Variants in SLC11A2 observed in about 807,000 individuals in gnomAD.
SLC11A2 encodes the protein natural resistance-associated macrophage protein 2.
In SLC11A2, 38 loss-of-function variants were observed where a neutral mutation model predicts 68.0. That is an observed-to-expected ratio of 0.56 (90% CI 0.43 to 0.73). SLC11A2 has a LOEUF of 0.73. Among genes scored for constraint, SLC11A2 ranks in the 30% least tolerant of loss-of-function variants. The probability of loss-of-function intolerance (pLI) is 0.00; values close to 1 mark genes in which losing one functional copy is unlikely to be tolerated. For missense variants in SLC11A2, 517 were observed against 690.5 expected (o/e 0.75, Z 2.82); for synonymous variants, 242 against 250.6 (o/e 0.97, Z 0.32).
intron 2 of SLC11A2, chr12:51,009,164 A>G (rs1216448493): frequency 6.7e-7 from 1 of 1,497,654 alleles, no homozygotes; most frequent in African/African-American, 1.4e-5. Flanking sequence ...CTTCTCAAAA[A>G]ATGTGCAAGT....
In SLC11A2 at chr12:51,002,078, T is replaced by C. The variant is rs146935841; in HGVS notation, c.430-1659A>G. On this transcript the variant is annotated intron_variant, in intron 5 of 15. Coordinates refer to ENST00000262052, the MANE Select transcript of SLC11A2 (RefSeq NM_000617.3). ...AAAAAATTTGTCAGGTCACCCATGG[T>C]AGTTCACACCTATAATCCCTGAACT... 4.8e-3 allele frequency among the ~76,000 whole-genome samples: 734 copies of C among 152,302 alleles called. 7 individuals carry two copies. Among genetic ancestry groups the C allele is most frequent in the African/African-American group, 0.016 (663 of 41,558 alleles).
At chr12:50,969,865 C>T in the SLC11A2 span, among the ~76,000 whole-genome samples, 2 of 152,078 alleles carry the variant, frequency 1.3e-5, no homozygotes, top group African/African-American at 4.8e-5. Flanking sequence ...CTGTGACTCC[C>T]TAACTTGCTT....
At position 50,987,832 on chromosome 12, in the gene SLC11A2, T is replaced by C; in HGVS notation, c.*493A>G. 4 of 1,261,146 alleles carry C rather than the reference T, an allele frequency of 3.2e-6. No individual in the cohort carries two copies. The highest frequency in any genetic ancestry group is 1.0e-6 in the Non-Finnish European group (1 of 977,926). 78.1% of individuals were successfully genotyped at this position (1,261,146 alleles called of 1,614,324 possible). ...ATATTTCATATGGATGAAGCTATTCTAGTTGATAATTTGGTATAATTAAAA... is the reference window on the plus strand; with the variant it reads ...ATATTTCATATGGATGAAGCTATTCCAGTTGATAATTTGGTATAATTAAAA... On this transcript the variant is annotated 3_prime_UTR_variant, in exon 16 of 16. Coordinates refer to ENST00000262052, the MANE Select transcript of SLC11A2 (RefSeq NM_000617.3).
At position 51,004,820 on chromosome 12, in the gene SLC11A2, G is replaced by A; in HGVS notation, c.397C>T (p.Leu133Phe). The A allele has an allele frequency of 6.2e-7, 1 of 1,614,068 alleles. No homozygotes were observed. Among genetic ancestry groups the A allele is most frequent in the Admixed American group, 1.7e-5 (1 of 60,008 alleles). Residue 133 changes from leucine to phenylalanine, a missense_variant, in exon 5 of 16, where the codon CTT becomes TTT. By Grantham distance (22) the Leu-to-Phe change is conservative. Coordinates refer to ENST00000262052, the MANE Select transcript of SLC11A2 (RefSeq NM_000617.3). ...ARLGVVTGLH[L>F]AEVCHRQYPK... is the part of the protein sequence containing the mutation. The stretch of plus-strand genomic sequence containing the variant: ...TACTGACGGTGACATACTTCAGCAA[G>A]ATGCAGCCCAGTAACCACTCCCAGT...
At position 50,986,506 on chromosome 12, in the gene SLC11A2, T is replaced by G. The variant is rs1940569042; in HGVS notation, c.*1819A>C. On this transcript the variant is annotated 3_prime_UTR_variant, in exon 16 of 16. Transcript: ENST00000262052. ...CTAGGCTCCTAAATGCTTGTAAATC[T>G]GAGACTGACTGGACCCACCCAGACC... 7.8e-7 allele frequency: 1 copy of G among 1,284,918 alleles called. No homozygotes were observed. Among genetic ancestry groups the G allele is most frequent in the Non-Finnish European group, 1.0e-6 (1 of 986,674 alleles). The allele number at this position is 1,284,918 out of a possible 1,614,324, so 79.6% of individuals were successfully genotyped here.
chr12:51,028,259 C>T (rs1318079809), upstream of SLC11A2: 2 of 1,518,450 alleles, frequency 1.3e-6, no homozygotes, highest in Non-Finnish European at 1.8e-6. Flanking sequence ...CCAATGCCAG[C>T]TCCTGCCTCT....
rs773771400 is a variant in SLC11A2 at position 50,995,703 on chromosome 12, CAA to C, written c.914_915del (p.Phe305CysfsTer15). On this transcript the variant is annotated frameshift_variant, in exon 10 of 16. Transcript: ENST00000262052. LOFTEE classifies it high-confidence loss of function. ...YFFIESCIAL[F>X]VSFIINVFVV... ...ACAAAGACATTGATGATGAAGGAAA[CAA>C]AGAGTGCAATGCAGGATTCAATGAA... 6.2e-7 allele frequency: 1 copy of C among 1,614,100 alleles called. No homozygotes were observed. The highest frequency in any genetic ancestry group is 1.1e-5 in the South Asian group (1 of 91,090).
intron 8 of SLC11A2, 37 bp downstream of exon 8, chr12:50,999,137 T>C: frequency 2.7e-6 from 4 of 1,500,522 alleles, no homozygotes; most frequent in African/African-American, 1.4e-5. Context: ...CACAAAAACT[T>C]ATTTTAAGAA....
At chr12:50,960,686 A>ATT in the SLC11A2 span, among the ~76,000 whole-genome samples, 1 of 147,354 alleles carries the variant, frequency 6.8e-6, no homozygotes, top group Non-Finnish European at 1.5e-5. Flanking sequence ...TAACCCATAC[A>ATT]TTTTTTTTTT....
In SLC11A2 at chr12:50,987,437, C is replaced by T; in HGVS notation, c.*888G>A. 1 of 1,287,134 alleles carries T rather than the reference C, an allele frequency of 7.8e-7. No individual in the cohort carries two copies. Among genetic ancestry groups the T allele is most frequent in the South Asian group, 1.2e-5 (1 of 80,940 alleles). 79.7% of individuals were successfully genotyped at this position (1,287,134 alleles called of 1,614,324 possible). On this transcript the variant is annotated 3_prime_UTR_variant, in exon 16 of 16. Transcript: ENST00000262052. ...GCTCTCCTCCCTTAAAGTCTTTTCT[C>T]CCCACCCTCAACATTTCACGAGAAC... is the stretch of plus-strand genomic sequence containing the variant.
chr12:51,004,726 C>G, intron 5 of SLC11A2, 62 bp downstream of exon 5: 1 of 1,593,676 alleles, frequency 6.3e-7, no homozygotes, highest in South Asian at 1.1e-5. Context: ...CCAGCACATA[C>G]CGCCAGACAC....
chr12:50,961,067 C>T, the SLC11A2 span: 2 of 1,613,812 alleles, frequency 1.2e-6, no homozygotes, highest in South Asian at 2.2e-5. Context: ...ATGAGAGTTG[C>T]TGCCCAAGGA....
chr12:50,993,207 AAAAAAG>A, intron 11 of SLC11A2: 3 of 405,550 alleles, frequency 7.4e-6, no homozygotes, highest in Admixed American at 3.8e-5. Context: ...AAAAAAAAAA[AAAAAAG>A]AGGTCTACAC....
the SLC11A2 span, among the ~76,000 whole-genome samples, chr12:50,957,786 G>A: frequency 6.6e-6 from 1 of 151,990 alleles, no homozygotes; most frequent in Non-Finnish European, 1.5e-5. Context: ...TCAAGAGGCT[G>A]AGACAGGAGA....
upstream of SLC11A2, chr12:51,028,273 T>C: frequency 6.8e-7 from 1 of 1,467,800 alleles, no homozygotes; most frequent in Non-Finnish European, 9.2e-7. Context: ...TGCCTCTATA[T>C]ATGAAGACAA....
intron 15 of SLC11A2, among the ~76,000 whole-genome samples, chr12:50,990,337 T>C (rs1464286656): frequency 6.6e-6 from 1 of 152,150 alleles, no homozygotes; most frequent in Non-Finnish European, 1.5e-5. Flanking sequence ...TTTGTACCGT[T>C]CTCCACTCTC....
the SLC11A2 span, among the ~76,000 whole-genome samples, chr12:50,970,270 TG>T: frequency 1.5e-4 from 23 of 152,350 alleles, no homozygotes; most frequent in Non-Finnish European, 1.5e-4. Context: ...TTTTGTTTTT[TG>T]TTTTTTTCTA....
intron 14 of SLC11A2, chr12:50,991,369 A>C (rs1275755064): frequency 3.4e-6 from 2 of 582,390 alleles, no homozygotes; most frequent in Non-Finnish European, 3.1e-6. Flanking sequence ...GAAGCTGAAG[A>C]GTTATGCTGT....
At chr12:51,025,928 T>C in intron 1 of SLC11A2, 1 of 996,682 alleles carries the variant, frequency 1.0e-6, no homozygotes, top group Non-Finnish European at 1.2e-6. Context: ...CGAAAGACCT[T>C]GCCCTGTGCC....
Sources: allele counts gnomAD v4.1 joint callset (sites outside exome capture counted in the v4.1 genomes callset), GRCh38; gene constraint gnomAD v4.1.1; transcripts MANE v1.5; gene names NCBI Gene and HGNC (gene_info 2026-07-23, HGNC 2026-07-21).